NLN: variants seen among roughly 807,000 people sequenced by gnomAD.
NLN encodes the protein neurolysin, mitochondrial.
Under a neutral mutation model 79.9 loss-of-function variants are expected in NLN, and 64 were observed. The observed-to-expected ratio is 0.80, with a 90% confidence interval of 0.65 to 0.99. NLN has a LOEUF of 0.99. Ranked by LOEUF, NLN falls within the 50% of genes least tolerant of loss-of-function variation. NLN has a pLI of 0.00. For synonymous variants in NLN, 267 were observed against 296.6 expected, an observed-to-expected ratio of 0.90 and a Z score of 1.02; for missense variants, 835 against 858.7, an observed-to-expected ratio of 0.97 and a Z score of 0.34.
At chr5:65,806,450 T>C (rs74864869) in intron 9 of NLN, among the ~76,000 whole-genome samples, 1,735 of 152,276 alleles carry the variant, frequency 0.011, 30 homozygotes, top group African/African-American at 0.039. Context: ...TCAACCCTCA[T>C]AGATGACTTT....
In NLN at chr5:65,809,574, G is replaced by T. The variant is rs150953990; in HGVS notation, c.1587G>T (p.Ser529=). The change falls in exon 10 of 13, where the codon TCG becomes TCT. Residue 529 remains serine (S), a synonymous_variant. Coordinates refer to ENST00000380985, the MANE Select transcript of NLN (RefSeq NM_020726.5). Reference sequence around the variant, plus strand: ...AAACTGACTTTGTAGAGGTGCCATCGCAAATGCTTGAAAATTGGGTGTGGG... The same window carrying T: ...AAACTGACTTTGTAGAGGTGCCATCTCAAATGCTTGAAAATTGGGTGTGGG... ...NVETDFVEVP[S]QMLENWVWDV... 1 of 1,613,502 alleles carries T rather than the reference G, an allele frequency of 6.2e-7. No individual in the cohort carries two copies. Among genetic ancestry groups the T allele is most frequent in the African/African-American group, 1.3e-5 (1 of 74,988 alleles).
chr5:65,730,793 C>T (rs1409101537), intron 1 of NLN, among the ~76,000 whole-genome samples: 1 of 152,040 alleles, frequency 6.6e-6, no homozygotes, highest in Admixed American at 6.6e-5. Flanking sequence ...CTCAAGTGAC[C>T]CACCTGCCTC....
chr5:65,723,219 T>G (rs1758361286), intron 1 of NLN, among the ~76,000 whole-genome samples: 1 of 152,260 alleles, frequency 6.6e-6, no homozygotes, highest in African/African-American at 2.4e-5. Flanking sequence ...TGCTTCTTGC[T>G]AGCTATCAAC....
intron 6 of NLN, 37 bp downstream of exon 6, chr5:65,781,458 G>T: frequency 6.8e-7 from 1 of 1,478,620 alleles, no homozygotes; most frequent in Non-Finnish European, 9.4e-7. Flanking sequence ...GTTTTTAATG[G>T]AATATTTTAA....
rs958681665 is a variant in NLN, at chr5:65,809,590, T to C, written c.1603T>C (p.Trp535Arg). ...GGTGCCATCGCAAATGCTTGAAAATTGGGTGTGGGACGTCGATTCCCTCCG... is the reference window on the plus strand; with the variant it reads ...GGTGCCATCGCAAATGCTTGAAAATCGGGTGTGGGACGTCGATTCCCTCCG... ...VEVPSQMLEN[W>R]VWDVDSLRRL... Residue 535 changes from tryptophan to arginine, a missense_variant, in exon 10 of 13, where the codon TGG (tryptophan) becomes CGG (arginine). Coordinates refer to ENST00000380985, the MANE Select transcript of NLN (RefSeq NM_020726.5). 1.2e-6 allele frequency: 2 copies of C among 1,613,872 alleles called. No homozygotes were observed. Among genetic ancestry groups the C allele is most frequent in the Non-Finnish European group, 1.7e-6 (2 of 1,179,958 alleles).
At chr5:65,810,609 C>T (rs1760524357) in intron 11 of NLN, among the ~76,000 whole-genome samples, 1 of 152,152 alleles carries the variant, frequency 6.6e-6, no homozygotes, top group South Asian at 2.1e-4. Context: ...ATACAGTCCA[C>T]TTGCACTCTT....
intron 1 of NLN, among the ~76,000 whole-genome samples, chr5:65,755,004 T>C (rs1759187962): frequency 6.6e-6 from 1 of 152,184 alleles, no homozygotes; most frequent in Non-Finnish European, 1.5e-5. Context: ...GCAAAGAAAC[T>C]GCTTAACCCT....
At chr5:65,781,543 T>G in intron 6 of NLN, 122 bp downstream of exon 6, 1 of 715,672 alleles carries the variant, frequency 1.4e-6, no homozygotes, top group Non-Finnish European at 2.4e-6. Context: ...ACTGTATCTC[T>G]AATTCCTCAG....
chr5:65,808,274 C>T (rs1360292658), intron 9 of NLN, among the ~76,000 whole-genome samples: 1 of 152,158 alleles, frequency 6.6e-6, no homozygotes, highest in Admixed American at 6.5e-5. Context: ...CTGCCCTGGG[C>T]CAAAAAGCAG....
intron 4 of NLN, among the ~76,000 whole-genome samples, chr5:65,778,223 T>C (rs1173076245): frequency 6.6e-6 from 1 of 152,226 alleles, no homozygotes; most frequent in Non-Finnish European, 1.5e-5. Flanking sequence ...TCTCAAACTT[T>C]TTCTTTTGTC....
intron 1 of NLN, among the ~76,000 whole-genome samples, chr5:65,744,280 G>T (rs967634206): frequency 3.0e-4 from 46 of 152,148 alleles, no homozygotes; most frequent in African/African-American, 1.1e-3. Context: ...TTACAGGCGT[G>T]AGCCACCACA....
At chr5:65,783,969 A>G (rs1366820238) in intron 6 of NLN, among the ~76,000 whole-genome samples, 2 of 152,154 alleles carry the variant, frequency 1.3e-5, no homozygotes, top group Non-Finnish European at 2.9e-5. Context: ...TTGTCTAAGC[A>G]CTTTACATAT....
At chr5:65,760,667 C>A (rs1317090433) in intron 2 of NLN, among the ~76,000 whole-genome samples, 1 of 152,156 alleles carries the variant, frequency 6.6e-6, no homozygotes, top group Non-Finnish European at 1.5e-5. Flanking sequence ...CATGTGCCAC[C>A]ATGCCCAGCT....
At chr5:65,793,911 C>T (rs972110883) in intron 9 of NLN, among the ~76,000 whole-genome samples, 2 of 152,192 alleles carry the variant, frequency 1.3e-5, no homozygotes, top group African/African-American at 4.8e-5. Flanking sequence ...TGATACAGTA[C>T]TCCAGACTGA....
chr5:65,737,311 C>T (rs73763195), intron 1 of NLN, among the ~76,000 whole-genome samples: 8,223 of 152,066 alleles, frequency 0.054, 641 homozygotes, highest in African/African-American at 0.18. Context: ...TAAATGGTAA[C>T]ATCATCTTAG....
chr5:65,816,295 C>T (rs1173022882), intron 12 of NLN, among the ~76,000 whole-genome samples: 1 of 152,016 alleles, frequency 6.6e-6, no homozygotes, highest in Non-Finnish European at 1.5e-5. Flanking sequence ...AACCAAATAC[C>T]ACATGTTCTC....
chr5:65,795,765 G>A (rs1231492954), intron 9 of NLN, among the ~76,000 whole-genome samples: 3 of 152,160 alleles, frequency 2.0e-5, no homozygotes, highest in Admixed American at 6.5e-5. Flanking sequence ...TTCTATCAAT[G>A]TCCACACTGT....
rs76121794 is a variant in NLN at position 65,763,385 on chromosome 5, A to G, written c.450+277A>G. Among the ~76,000 whole-genome samples, 951 of 152,324 alleles carry G rather than the reference A, an allele frequency of 6.2e-3. 3 individuals are homozygous for G. The highest frequency in any genetic ancestry group is 9.5e-3 in the Non-Finnish European group (644 of 68,028). On this transcript the variant is annotated intron_variant, in intron 3 of 12. Transcript: ENST00000380985. ...CATTATGAACTTGATGGTTACATGT[A>G]AGGGTTATCTTAGACCAAATCAATT...
intron 1 of NLN, among the ~76,000 whole-genome samples, chr5:65,742,334 T>A (rs1379486794): frequency 1.3e-5 from 2 of 152,198 alleles, no homozygotes; most frequent in East Asian, 3.8e-4. Context: ...CCAAAATAAA[T>A]GTATATTTAT....
Sources: allele counts gnomAD v4.1 joint callset (sites outside exome capture counted in the v4.1 genomes callset), GRCh38; gene constraint gnomAD v4.1.1; transcripts MANE v1.5; gene names NCBI Gene and HGNC (gene_info 2026-07-23, HGNC 2026-07-21).